Variants in CADPS2 observed in about 807,000 individuals in gnomAD.
The protein encoded by CADPS2 is calcium-dependent secretion activator 2.
CADPS2 carries 93 observed loss-of-function variants against 172.5 expected under a neutral mutation model. The ratio of observed to expected loss-of-function variants is 0.54; its 90% CI spans 0.46 to 0.64. The LOEUF (loss-of-function observed/expected upper bound fraction) is 0.64. CADPS2 is among the 30% of genes least tolerant of loss of function. CADPS2 has a pLI of 0.00. For missense variants in CADPS2, 1,420 were observed against 1,565.9 expected, an observed-to-expected ratio of 0.91 and a Z score of 1.57; for synonymous variants, 546 against 555.2, an observed-to-expected ratio of 0.98 and a Z score of 0.23.
chr7:122,332,774 T>C (rs528007323), intron 28 of CADPS2, among the ~76,000 whole-genome samples: 1 of 152,330 alleles, frequency 6.6e-6, no homozygotes, highest in African/African-American at 2.4e-5. Flanking sequence ...GCACAAGCTC[T>C]TTCCAGTTCA....
chr7:122,438,996 C>G (rs2051011795), intron 16 of CADPS2, among the ~76,000 whole-genome samples: 1 of 151,282 alleles, frequency 6.6e-6, no homozygotes, highest in Admixed American at 6.6e-5. Flanking sequence ...CTGTGAATAC[C>G]ACGGCAGTGT....
At chr7:122,580,289 T>C (rs767319941) in intron 7 of CADPS2, among the ~76,000 whole-genome samples, 1 of 151,862 alleles carries the variant, frequency 6.6e-6, no homozygotes, top group Non-Finnish European at 1.5e-5. Flanking sequence ...ACCCCATCTC[T>C]ACTAAAAATA....
intron 28 of CADPS2, chr7:122,332,106 A>G (rs2035057139): frequency 6.6e-6 from 1 of 152,206 alleles, no homozygotes; most frequent in Non-Finnish European, 1.5e-5. Context: ...TGCAGGTTGA[A>G]GCAATCCACA....
intron 27 of CADPS2, among the ~76,000 whole-genome samples, chr7:122,348,312 C>T (rs1260428482): frequency 6.6e-6 from 1 of 152,140 alleles, no homozygotes; most frequent in Non-Finnish European, 1.5e-5. Flanking sequence ...TATCATGAAA[C>T]ACTGTCCAGG....
intron 2 of CADPS2, among the ~76,000 whole-genome samples, chr7:122,683,398 G>A (rs2083273527): frequency 6.6e-6 from 1 of 152,100 alleles, no homozygotes. Flanking sequence ...AGAAAAACAG[G>A]GTCAGTTGTT....
intron 1 of CADPS2, chr7:122,849,860 C>T: frequency 1.7e-6 from 1 of 580,098 alleles, no homozygotes; most frequent in Non-Finnish European, 3.4e-6. Flanking sequence ...TCCTTCTGGG[C>T]AGATCTCAAG....
At chr7:122,758,961 C>T (rs868003058) in intron 1 of CADPS2, among the ~76,000 whole-genome samples, 4 of 149,480 alleles carry the variant, frequency 2.7e-5, no homozygotes, top group Non-Finnish European at 5.9e-5. Flanking sequence ...TTTTACTTAG[C>T]GCAAACCAAA....
At chr7:122,344,311 T>C (rs1014150335) in intron 28 of CADPS2, among the ~76,000 whole-genome samples, 2 of 152,248 alleles carry the variant, frequency 1.3e-5, no homozygotes, top group South Asian at 4.1e-4. Flanking sequence ...CATTTAGGAA[T>C]CTGTATTGTG....
At chr7:122,705,353 A>G (rs1158106627) in intron 2 of CADPS2, among the ~76,000 whole-genome samples, 1 of 149,202 alleles carries the variant, frequency 6.7e-6, no homozygotes, top group Non-Finnish European at 1.5e-5. Flanking sequence ...ACAGCCAAAT[A>G]TTGAAGAGTT....
At chr7:122,325,403 T>G (rs1206886428) in intron 29 of CADPS2, 74 bp downstream of exon 29, 18 of 923,900 alleles carry the variant, frequency 1.9e-5, no homozygotes, top group Non-Finnish European at 3.1e-5. Context: ...AATACAGTTT[T>G]CTTGTATGTC....
intron 12 of CADPS2, among the ~76,000 whole-genome samples, chr7:122,476,898 C>T (rs1388753203): frequency 6.7e-6 from 1 of 148,174 alleles, no homozygotes; most frequent in African/African-American, 2.5e-5. Context: ...GCAGTATAGT[C>T]TTAGTTTCCA....
chr7:122,810,177 C>T (rs544841245), intron 1 of CADPS2, among the ~76,000 whole-genome samples: 5 of 152,212 alleles, frequency 3.3e-5, no homozygotes, highest in African/African-American at 1.2e-4. Context: ...TTTGCTTCAC[C>T]TCTAAAAATA....
chr7:122,551,416 G>C (rs1249603357), intron 8 of CADPS2, among the ~76,000 whole-genome samples: 3 of 151,946 alleles, frequency 2.0e-5, no homozygotes, highest in Non-Finnish European at 4.4e-5. Context: ...AAGAAACTTA[G>C]AGTACAGTTG....
At chr7:122,754,193 C>T (rs1010012341) in intron 1 of CADPS2, among the ~76,000 whole-genome samples, 2 of 152,000 alleles carry the variant, frequency 1.3e-5, no homozygotes, top group African/African-American at 4.8e-5. Context: ...CAAAACTGTC[C>T]CTATTAACAA....
At chr7:122,717,646 A>T (rs966457164) in intron 2 of CADPS2, among the ~76,000 whole-genome samples, 3 of 152,160 alleles carry the variant, frequency 2.0e-5, no homozygotes, top group Non-Finnish European at 4.4e-5. Flanking sequence ...AACCTGCAGC[A>T]ACCGAAATCT....
At chr7:122,438,235 C>T in intron 17 of CADPS2, 106 bp downstream of exon 17, 3 of 1,393,172 alleles carry the variant, frequency 2.2e-6, no homozygotes, top group Non-Finnish European at 3.0e-6. Context: ...TTCCCTTTGC[C>T]ATGGCACAGG....
chr7:122,497,150 T>G (rs923751516), intron 9 of CADPS2, among the ~76,000 whole-genome samples: 1 of 152,138 alleles, frequency 6.6e-6, no homozygotes, highest in African/African-American at 2.4e-5. Flanking sequence ...ACAATCTTTC[T>G]TTTGTTTAGT....
chr7:122,512,413 C>T (rs1359863351), intron 9 of CADPS2, among the ~76,000 whole-genome samples: 1 of 151,966 alleles, frequency 6.6e-6, no homozygotes, highest in Non-Finnish European at 1.5e-5. Flanking sequence ...AACAAAATAG[C>T]TTGGATTTAT....
intron 25 of CADPS2, among the ~76,000 whole-genome samples, chr7:122,372,762 T>C (rs2041920566): frequency 6.6e-6 from 1 of 152,216 alleles, no homozygotes; most frequent in Admixed American, 6.5e-5. Context: ...TAGTAACAGT[T>C]AATATAGAAA....
Sources: gnomAD v4.1 joint callset for allele counts (sites outside exome capture counted in the v4.1 genomes callset) on GRCh38, gnomAD v4.1.1 for gene constraint, MANE v1.5 for transcripts, NCBI Gene and HGNC (gene_info 2026-07-23, HGNC 2026-07-21) for gene names.